CRYZ: variants seen among roughly 807,000 people sequenced by gnomAD.
CRYZ encodes the protein zeta-crystallin.
Under a neutral mutation model 34.1 loss-of-function variants are expected in CRYZ, and 35 were observed. The observed-to-expected ratio is 1.03, with a 90% CI of 0.78 to 1.36. The LOEUF is 1.36. CRYZ is among the 40% of genes most tolerant of loss of function. The pLI, the probability that CRYZ is intolerant of heterozygous loss-of-function variation, is 0.00. For missense variants in CRYZ, 403 were observed against 391.8 expected (o/e 1.03, Z -0.24); for synonymous variants, 137 against 136.5 (o/e 1.00, Z -0.03).
intron 5 of CRYZ, among the ~76,000 whole-genome samples, chr1:74,710,682 T>C (rs929186933): frequency 6.6e-6 from 1 of 151,984 alleles, no homozygotes. Context: ...TCTTTGTGCA[T>C]ATGAAATTCT....
chr1:74,723,370 C>CAA (rs1347727704), intron 2 of CRYZ, 100 bp from the exon 3 acceptor site: 1 of 1,111,830 alleles, frequency 9.0e-7, no homozygotes, highest in Non-Finnish European at 1.3e-6. Context: ...AAATGGGAGA[C>CAA]AAAAGCAAAA....
chr1:74,724,897 C>T (rs1323522419), intron 1 of CRYZ, 63 bp from the exon 2 acceptor site: 3 of 938,782 alleles, frequency 3.2e-6, no homozygotes, highest in Non-Finnish European at 5.0e-6. Flanking sequence ...ATGTTTTTCC[C>T]CCCTGGAGGG....
At chr1:74,728,399 A>C (rs1647500122) in intron 1 of CRYZ, among the ~76,000 whole-genome samples, 1 of 152,244 alleles carries the variant, frequency 6.6e-6, no homozygotes, top group African/African-American at 2.4e-5. Context: ...TGTACCTGTA[A>C]AGATGTAATG....
At chr1:74,709,209 A>AG (rs1041173350) in intron 6 of CRYZ, among the ~76,000 whole-genome samples, 1 of 152,204 alleles carries the variant, frequency 6.6e-6, no homozygotes, top group Non-Finnish European at 1.5e-5. Context: ...AGACTTAAGC[A>AG]GAAGGAGTCA....
intron 2 of CRYZ, among the ~76,000 whole-genome samples, chr1:74,724,403 T>C (rs987020327): frequency 2.6e-5 from 4 of 152,218 alleles, no homozygotes; most frequent in African/African-American, 9.6e-5. Flanking sequence ...TCATGAATGT[T>C]TGTAATAGAA....
Position 74,714,576 on chromosome 1 carries a change from T to TA in CRYZ, c.480+2dup, listed in dbSNP as rs758599907. 6.2e-7 allele frequency: 1 copy of TA among 1,613,176 alleles called. No individual in the cohort carries two copies. Among genetic ancestry groups the TA allele is most frequent in the East Asian group, 2.2e-5 (1 of 44,834 alleles). On this transcript the variant is annotated splice_region_variant and intron_variant, in intron 5 of 8. Coordinates refer to ENST00000340866, the MANE Select transcript of CRYZ (RefSeq NM_001889.4). ...TTCAAAATACATTAAAAAAAATACT[T>TA]ACTCCTCCACTTGCCCCATGAACCA...
At chr1:74,719,159 C>T (rs753753558) in intron 4 of CRYZ, 50 bp downstream of exon 4, 2 of 1,584,942 alleles carry the variant, frequency 1.3e-6, no homozygotes, top group Non-Finnish European at 1.7e-6. Flanking sequence ...AGGCAGTTAA[C>T]ACTACCCTCT....
chr1:74,707,260 GCTA>G (rs977671363), intron 6 of CRYZ, 56 bp from the exon 7 acceptor site: 17 of 906,690 alleles, frequency 1.9e-5, no homozygotes, highest in South Asian at 5.8e-5. Flanking sequence ...CTGTAAAATA[GCTA>G]CTATCTGTAC....
Position 74,723,179 on chromosome 1 carries a change from G to A in CRYZ, c.203C>T (p.Thr68Ile). ...CACCCCAGCCACATCTGAGCCAGGA[G>A]TATAGGGTAAGAGTGGTTTTCTACT... ...TYSRKPLLPY[T>I]PGSDVAGVIE... The change falls in exon 3 of 9, where the codon ACT becomes ATT. Residue 68 changes from threonine (T) to isoleucine (I), a missense_variant. Coordinates refer to ENST00000340866, the MANE Select transcript of CRYZ (RefSeq NM_001889.4). The A allele has an allele frequency of 6.2e-7, 1 of 1,614,022 alleles. No individual in the cohort carries two copies. The highest frequency in any genetic ancestry group is 8.5e-7 in the Non-Finnish European group (1 of 1,179,898).
intron 1 of CRYZ, among the ~76,000 whole-genome samples, chr1:74,732,272 A>G (rs1157402199): frequency 2.8e-5 from 4 of 144,220 alleles, no homozygotes; most frequent in Non-Finnish European, 4.6e-5. Context: ...AAGGGGCACT[A>G]CCTAGGAGAA....
chr1:74,724,890 T>A (rs931314809), intron 1 of CRYZ, 56 bp from the exon 2 acceptor site: 6 of 1,048,272 alleles, frequency 5.7e-6, no homozygotes, highest in Non-Finnish European at 8.7e-6. Context: ...TATCACCATG[T>A]TTTTCCCCCC....
At chr1:74,716,874 G>T (rs1362757730) in intron 4 of CRYZ, among the ~76,000 whole-genome samples, 1 of 152,058 alleles carries the variant, frequency 6.6e-6, no homozygotes, top group African/African-American at 2.4e-5. Context: ...TTCTAGCCCT[G>T]GATTAATGTT....
chr1:74,717,232 TAA>T (rs950615319), intron 4 of CRYZ, among the ~76,000 whole-genome samples: 4 of 146,236 alleles, frequency 2.7e-5, no homozygotes, highest in African/African-American at 9.9e-5. Context: ...TGTCTATCCT[TAA>T]AAAAAAAAAT....
At chr1:74,711,825 T>C (rs1301608902) in intron 5 of CRYZ, among the ~76,000 whole-genome samples, 2 of 152,182 alleles carry the variant, frequency 1.3e-5, no homozygotes, top group African/African-American at 4.8e-5. Flanking sequence ...CGGGCGAAGA[T>C]GTTCAGCAAT....
intron 3 of CRYZ, among the ~76,000 whole-genome samples, chr1:74,721,767 G>A (rs1321625752): frequency 1.3e-5 from 2 of 152,310 alleles, no homozygotes; most frequent in Admixed American, 1.3e-4. Flanking sequence ...AGATAAGCTA[G>A]TTTTAGACAT....
At chr1:74,730,019 G>C (rs554623532) in intron 1 of CRYZ, among the ~76,000 whole-genome samples, 1 of 151,530 alleles carries the variant, frequency 6.6e-6, no homozygotes, top group Non-Finnish European at 1.5e-5. Context: ...TTCCATTTTC[G>C]ATATCTACCT....
chr1:74,715,832 G>A (rs1647064682), intron 4 of CRYZ, among the ~76,000 whole-genome samples: 1 of 151,420 alleles, frequency 6.6e-6, no homozygotes, highest in African/African-American at 2.4e-5. Context: ...CGCTGTGACA[G>A]TTAATTTTAT....
rs201156382 is a variant in CRYZ, at chr1:74,719,195, G to A, written c.428+14C>T. 4.3e-6 allele frequency: 7 copies of A among 1,609,666 alleles called. No individual in the cohort carries two copies. In the East Asian group the frequency reaches 1.6e-4, roughly 36 times the overall value. On this transcript the variant is annotated intron_variant, in intron 4 of 8. Transcript: ENST00000340866. ...TTTGGCATTGGCCATAAAATTGACAGAATGTGTTATTACCTGTGGATCAGA... is the reference window on the plus strand; with the variant it reads ...TTTGGCATTGGCCATAAAATTGACAAAATGTGTTATTACCTGTGGATCAGA...
chr1:74,710,371 A>G, intron 5 of CRYZ, 124 bp from the exon 6 acceptor site: 1 of 811,662 alleles, frequency 1.2e-6, no homozygotes, highest in Non-Finnish European at 1.9e-6. Flanking sequence ...AAGAGTGTAA[A>G]TGAAGAAATA....
Sources: gnomAD v4.1 joint callset for allele counts (sites outside exome capture counted in the v4.1 genomes callset) on GRCh38, gnomAD v4.1.1 for gene constraint, MANE v1.5 for transcripts, NCBI Gene and HGNC (gene_info 2026-07-23, HGNC 2026-07-21) for gene names.